The following SMC5 variants were observed in gnomAD, a reference collection of about 807,000 sequenced individuals.
The protein encoded by SMC5 is structural maintenance of chromosomes 5.
In SMC5, 88 loss-of-function variants were observed where a neutral mutation model predicts 148.3. The observed-to-expected ratio is 0.59, with a 90% CI of 0.50 to 0.71. The LOEUF (loss-of-function observed/expected upper bound fraction) is 0.71, where lower values mean the gene tolerates loss of function less well. SMC5 is among the 30% of genes least tolerant of loss of function. The pLI, the probability that SMC5 is intolerant of heterozygous loss-of-function variation, is 0.00. For synonymous variants in SMC5, 421 were observed against 432.8 expected (o/e 0.97, Z 0.34); for missense variants, 1,142 against 1,298.9 (o/e 0.88, Z 1.86).
In SMC5 at chr9:70,353,706, A is replaced by G. The variant is rs1020230875; in HGVS notation, c.*1375A>G. 2.6e-5 allele frequency: 4 copies of G among 152,228 alleles called. No homozygotes were observed. Among genetic ancestry groups the G allele is most frequent in the Non-Finnish European group, 4.4e-5 (3 of 68,016 alleles). 9.4% of individuals were successfully genotyped at this position (152,228 alleles called of 1,614,324 possible). A position where few individuals can be genotyped will look rare whatever the true frequency, so the allele number is the denominator to read the frequency against. On this transcript the variant is annotated 3_prime_UTR_variant, in exon 25 of 25. Coordinates refer to ENST00000361138, the MANE Select transcript of SMC5 (RefSeq NM_015110.4). ...TCTTTAAAAAGGTATTTTCTTCTTTATAAACATTTTAAAAGAGCCTTCCCT... is the reference window on the plus strand; with the variant it reads ...TCTTTAAAAAGGTATTTTCTTCTTTGTAAACATTTTAAAAGAGCCTTCCCT...
chr9:70,294,735 C>G (rs985420033), intron 8 of SMC5, among the ~76,000 whole-genome samples: 3 of 152,220 alleles, frequency 2.0e-5, no homozygotes. Context: ...TTCCTCTGTT[C>G]ACTAGACAGG....
intron 10 of SMC5, among the ~76,000 whole-genome samples, chr9:70,302,108 C>T (rs986270421): frequency 1.3e-5 from 2 of 152,212 alleles, no homozygotes; most frequent in African/African-American, 4.8e-5. Flanking sequence ...CACCATGGCT[C>T]ACGCCTGTAA....
At chr9:70,260,825 C>G (rs2034103254) in intron 1 of SMC5, among the ~76,000 whole-genome samples, 1 of 152,220 alleles carries the variant, frequency 6.6e-6, no homozygotes, top group African/African-American at 2.4e-5. Context: ...TCCGTGAAGC[C>G]TGGACCTCCC....
rs978366551 is a variant in SMC5 at position 70,308,612 on chromosome 9, A to G, written c.1578+3252A>G. On this transcript the variant is annotated intron_variant, in intron 11 of 24. Coordinates refer to ENST00000361138, the MANE Select transcript of SMC5 (RefSeq NM_015110.4). ...TCTCAAAAAAAAAAAAAAAAAAAAA[A>G]AAAAAAAGAATTACTAATCTGTCCT... is the stretch of plus-strand genomic sequence containing the variant. Among the ~76,000 whole-genome samples, 24 of 136,518 alleles carry G rather than the reference A, an allele frequency of 1.8e-4. 1 individual carries two copies. Among genetic ancestry groups the G allele is most frequent in the African/African-American group, 4.9e-4 (18 of 36,678 alleles). 89.6% of individuals were successfully genotyped at this position (136,518 alleles called of 152,430 possible).
intron 7 of SMC5, among the ~76,000 whole-genome samples, chr9:70,285,459 T>A (rs987036083): frequency 6.6e-6 from 1 of 152,244 alleles, no homozygotes; most frequent in African/African-American, 2.4e-5. Flanking sequence ...TCTAGCAGCA[T>A]GTTGTTAACT....
At position 70,318,827 on chromosome 9, in the gene SMC5, G is replaced by A. The variant is rs909908245; in HGVS notation, c.2014G>A (p.Gly672Arg). ...TAGAAAATTGCAAGCAGTGGATTCA[G>A]GGTTGATTGCCTTACGTGAAACAAG... ...IHRKLQAVDS[G>R]LIALRETSKH... The change falls in exon 15 of 25, where the codon GGG becomes AGG. Residue 672 changes from glycine to arginine, a missense_variant. Gly to Arg is a moderately radical substitution (Grantham distance 125, BLOSUM62 -2). Coordinates refer to ENST00000361138, the MANE Select transcript of SMC5 (RefSeq NM_015110.4). 6.3e-7 allele frequency: 1 copy of A among 1,599,692 alleles called. No individual in the cohort carries two copies. Among genetic ancestry groups the A allele is most frequent in the Non-Finnish European group, 8.5e-7 (1 of 1,175,254 alleles).
At chr9:70,280,452 G>A (rs2034717945) in intron 5 of SMC5, among the ~76,000 whole-genome samples, 1 of 152,180 alleles carries the variant, frequency 6.6e-6, no homozygotes, top group African/African-American at 2.4e-5. Context: ...CCCTTCAAGT[G>A]GATGCAGCAG....
At position 70,328,596 on chromosome 9, in the gene SMC5, C is replaced by T. The variant is rs79661139; in HGVS notation, c.2397+4453C>T. On this transcript the variant is annotated intron_variant, in intron 17 of 24. Coordinates refer to ENST00000361138, the MANE Select transcript of SMC5 (RefSeq NM_015110.4). ...CCCCTGTGGCTCGGCAGGGTTCAGC[C>T]CCCACAGCTGCTTTCATGGGCTGAC... Among the ~76,000 whole-genome samples the T allele has an allele frequency of 8.2e-3, 1,254 of 152,280 alleles. 17 individuals are homozygous for T. The highest frequency in any genetic ancestry group is 0.029 in the African/African-American group (1,209 of 41,550).
Position 70,318,653 on chromosome 9 carries a change from T to G in SMC5, c.1946T>G (p.Leu649Arg). 1 of 1,609,534 alleles carries G rather than the reference T, an allele frequency of 6.2e-7. No individual in the cohort carries two copies. Among genetic ancestry groups the G allele is most frequent in the Non-Finnish European group, 8.5e-7 (1 of 1,177,958 alleles). ...VAQFLTVTVD[L>R]EQRRHLEEQL... The stretch of plus-strand genomic sequence containing the variant: ...CAGTTTCTCACTGTCACTGTGGACC[T>G]AGAGCAGAGAAGACACTTAGAAGAA... The change falls in exon 14 of 25, where the codon CTA becomes CGA. Residue 649 changes from leucine (L) to arginine (R), a missense_variant. Coordinates refer to ENST00000361138, the MANE Select transcript of SMC5 (RefSeq NM_015110.4).
At chr9:70,279,298 T>G (rs2034679920) in intron 5 of SMC5, among the ~76,000 whole-genome samples, 1 of 151,598 alleles carries the variant, frequency 6.6e-6, no homozygotes, top group Non-Finnish European at 1.5e-5. Flanking sequence ...GGAGAATCGC[T>G]TGAGTTCAGG....
At chr9:70,325,957 A>G (rs1042269358) in intron 17 of SMC5, among the ~76,000 whole-genome samples, 4 of 152,158 alleles carry the variant, frequency 2.6e-5, no homozygotes, top group African/African-American at 7.2e-5. Context: ...CTAAATACCA[A>G]AAAGATACAC....
chr9:70,278,511 T>G lies in SMC5; in HGVS notation c.564T>G (p.Ala188=). 6.2e-7 allele frequency: 1 copy of G among 1,608,128 alleles called. No homozygotes were observed. Among genetic ancestry groups the G allele is most frequent in the Non-Finnish European group, 8.5e-7 (1 of 1,178,510 alleles). The change falls in exon 5 of 25, where the codon GCT becomes GCG. Residue 188 remains alanine, a synonymous_variant. Coordinates refer to ENST00000361138, the MANE Select transcript of SMC5 (RefSeq NM_015110.4). ...FLPQDKVGEF[A]KLSKIELLEA... ...TCTAGGACAAAGTTGGAGAATTTGC[T>G]AAACTCAGCAAAATTGAACTCCTCG...
chr9:70,284,503 G>A (rs1432745542), intron 7 of SMC5, among the ~76,000 whole-genome samples: 1 of 152,038 alleles, frequency 6.6e-6, no homozygotes. Flanking sequence ...GCTTTTTTTG[G>A]TTCTTGAATT....
chr9:70,309,916 C>G (rs978249055), intron 11 of SMC5, among the ~76,000 whole-genome samples: 1 of 152,158 alleles, frequency 6.6e-6, no homozygotes, highest in African/African-American at 2.4e-5. Context: ...GTGGCACAAT[C>G]TTGGCTCACT....
chr9:70,271,354 C>A (rs2034446015), intron 3 of SMC5, among the ~76,000 whole-genome samples: 1 of 152,152 alleles, frequency 6.6e-6, no homozygotes, highest in Non-Finnish European at 1.5e-5. Flanking sequence ...AGCACTTTTT[C>A]CACGAAGGTT....
intron 7 of SMC5, among the ~76,000 whole-genome samples, chr9:70,285,809 T>G (rs2034882548): frequency 6.6e-6 from 1 of 152,200 alleles, no homozygotes; most frequent in Non-Finnish European, 1.5e-5. Context: ...GATAGAACTC[T>G]GCATTTGAAA....
chr9:70,352,361 T>C lies in SMC5; in HGVS notation c.*30T>C. The C allele has an allele frequency of 6.4e-7, 1 of 1,565,170 alleles. No homozygotes were observed. Among genetic ancestry groups the C allele is most frequent in the Non-Finnish European group, 8.6e-7 (1 of 1,158,844 alleles). ...AGTAAAGAGAGGGAACTTGGGAATTTTTTTTGTTAAATTCTGTTTATAAGT... is the reference window on the plus strand; with the variant it reads ...AGTAAAGAGAGGGAACTTGGGAATTCTTTTTGTTAAATTCTGTTTATAAGT... On this transcript the variant is annotated 3_prime_UTR_variant, in exon 25 of 25. Coordinates refer to ENST00000361138, the MANE Select transcript of SMC5 (RefSeq NM_015110.4).
intron 17 of SMC5, among the ~76,000 whole-genome samples, chr9:70,334,370 A>G (rs1258735356): frequency 6.6e-6 from 1 of 152,232 alleles, no homozygotes; most frequent in Non-Finnish European, 1.5e-5. Flanking sequence ...TCTTAGATAA[A>G]ATAGAAAAAA....
chr9:70,264,009 T>A (rs992663537), intron 1 of SMC5, among the ~76,000 whole-genome samples: 6 of 152,230 alleles, frequency 3.9e-5, no homozygotes, highest in African/African-American at 1.2e-4. Flanking sequence ...GTATCTTTGA[T>A]ATAGTGTCCA....
Sources: allele counts gnomAD v4.1 joint callset (sites outside exome capture counted in the v4.1 genomes callset), GRCh38; gene constraint gnomAD v4.1.1; transcripts MANE v1.5; gene names NCBI Gene and HGNC (gene_info 2026-07-23, HGNC 2026-07-21).